Variants in AGPS observed in about 807,000 individuals in gnomAD.
AGPS encodes alkylglycerone phosphate synthase, also known as alkyldihydroxyacetonephosphate synthase, peroxisomal.
A neutral mutation model predicts 90.7 loss-of-function variants in AGPS; 26 were observed. The ratio of observed to expected loss-of-function variants is 0.29; its 90% confidence interval spans 0.21 to 0.40. The LOEUF (loss-of-function observed/expected upper bound fraction) is 0.40, where lower values mean the gene tolerates loss of function less well. AGPS is among the 10% of genes least tolerant of loss of function. AGPS has a pLI of 1.00. For missense variants in AGPS, 540 were observed against 816.1 expected (o/e 0.66, Z 4.12); for synonymous variants, 294 against 285.3 (o/e 1.03, Z -0.31).
At chr2:177,407,709 T>C (rs974455126) in intron 1 of AGPS, among the ~76,000 whole-genome samples, 1 of 151,868 alleles carries the variant, frequency 6.6e-6, no homozygotes, top group Non-Finnish European at 1.5e-5. Context: ...TCAAACTATA[T>C]TGGTTTCTGA....
At chr2:177,485,350 A>G (rs1055339293) in intron 11 of AGPS, among the ~76,000 whole-genome samples, 2 of 152,230 alleles carry the variant, frequency 1.3e-5, no homozygotes, top group Non-Finnish European at 1.5e-5. Flanking sequence ...TGATGTACAA[A>G]TGTATCAAAA....
intron 11 of AGPS, 51 bp downstream of exon 11, chr2:177,482,237 T>G: frequency 9.5e-7 from 1 of 1,052,458 alleles, no homozygotes; most frequent in Non-Finnish European, 1.3e-6. Context: ...GTTTATGTAT[T>G]TATATTTTTC....
intron 2 of AGPS, among the ~76,000 whole-genome samples, chr2:177,422,428 C>A (rs1215786841): frequency 6.6e-6 from 1 of 150,884 alleles, no homozygotes; most frequent in Non-Finnish European, 1.5e-5. Context: ...TACTACCACT[C>A]CTACCAGAAT....
intron 9 of AGPS, 54 bp downstream of exon 9, chr2:177,462,072 A>G (rs1231205209): frequency 1.4e-6 from 2 of 1,422,436 alleles, no homozygotes; most frequent in Non-Finnish European, 1.9e-6. Context: ...AGATATTATT[A>G]TAAAATGATT....
intron 1 of AGPS, among the ~76,000 whole-genome samples, chr2:177,408,624 G>A (rs1685529524): frequency 6.6e-6 from 1 of 151,992 alleles, no homozygotes; most frequent in African/African-American, 2.4e-5. Context: ...CTGCCACTTT[G>A]CCCTCTTGCT....
chr2:177,445,555 C>A lies in AGPS; in HGVS notation c.799C>A (p.Leu267Ile), dbSNP rs1472901599. 1 of 1,613,688 alleles carries A rather than the reference C, an allele frequency of 6.2e-7. No individual in the cohort carries two copies. The highest frequency in any genetic ancestry group is 1.1e-5 in the South Asian group (1 of 91,076). ...SLDTSQMNRI[L>I]WVDENNLTAH... The stretch of plus-strand genomic sequence containing the variant: ...TCTTCCTTTGCAACAGAATCGAATT[C>A]TCTGGGTTGATGAGAACAATTTGAC... The change falls in exon 8 of 20, where the codon CTC becomes ATC. Residue 267 changes from leucine (L) to isoleucine (I), a missense_variant. This residue lies in a region of AGPS where 405 missense variants were observed against 692.1 expected (regional missense o/e 0.59). Transcript: ENST00000264167.
At chr2:177,528,849 C>CTTTTTTTTTTTTTTTTTT (rs71008000) in intron 19 of AGPS, among the ~76,000 whole-genome samples, 1 of 79,142 alleles carries the variant, frequency 1.3e-5, no homozygotes, top group Non-Finnish European at 2.2e-5. Context: ...CATATTAATC[C>CTTTTTTTTTTTTTTTTTT]TTTTTTTTTT....
intron 5 of AGPS, 76 bp from the exon 6 acceptor site, chr2:177,440,889 G>T: frequency 1.6e-6 from 2 of 1,239,186 alleles, no homozygotes; most frequent in Non-Finnish European, 2.4e-6. Flanking sequence ...AAAGAATTTC[G>T]TAGGTTCTTA....
intron 3 of AGPS, among the ~76,000 whole-genome samples, chr2:177,435,612 C>T (rs1559044868): frequency 6.6e-6 from 1 of 151,990 alleles, no homozygotes; most frequent in Non-Finnish European, 1.5e-5. Context: ...TGTATCAAGA[C>T]CTTGAAGAGT....
At chr2:177,422,811 C>A (rs1228354838) in intron 2 of AGPS, among the ~76,000 whole-genome samples, 2 of 152,056 alleles carry the variant, frequency 1.3e-5, no homozygotes, top group African/African-American at 2.4e-5. Flanking sequence ...AGTCTGTTTT[C>A]CTAAGAATAA....
Position 177,497,671 on chromosome 2 carries a change from A to G in AGPS, c.1286-18A>G, listed in dbSNP as rs778161521. On this transcript the variant is annotated intron_variant, in intron 12 of 19. Transcript: ENST00000264167. Reference sequence around the variant, plus strand: ...AACATAGACTAACCTATTAATATAAACTTTTTTCTCTTCTTAGGTCATGCT... The same window carrying G: ...AACATAGACTAACCTATTAATATAAGCTTTTTTCTCTTCTTAGGTCATGCT... 1.4e-6 allele frequency: 2 copies of G among 1,461,292 alleles called. No individual in the cohort carries two copies. The allele number at this position is 1,461,292 out of a possible 1,614,324, so 90.5% of individuals were successfully genotyped here. A position where few individuals can be genotyped will look rare whatever the true frequency, so the allele number is the denominator to read the frequency against.
intron 3 of AGPS, among the ~76,000 whole-genome samples, chr2:177,434,984 CTT>C (rs1686355359): frequency 1.0e-5 from 1 of 96,158 alleles, no homozygotes; most frequent in Non-Finnish European, 1.9e-5. Context: ...GATTAGGAAA[CTT>C]TAAACTGTAG....
At chr2:177,411,182 C>G (rs1402799332) in intron 1 of AGPS, among the ~76,000 whole-genome samples, 1 of 152,136 alleles carries the variant, frequency 6.6e-6, no homozygotes, top group African/African-American at 2.4e-5. Flanking sequence ...TGCTGCAGGC[C>G]TAAGGCGGAC....
chr2:177,501,156 G>A (rs1465132915), intron 14 of AGPS, among the ~76,000 whole-genome samples: 1 of 152,032 alleles, frequency 6.6e-6, no homozygotes, highest in African/African-American at 2.4e-5. Context: ...TCTAAGAAGG[G>A]CTTGTAGGGA....
At chr2:177,396,190 C>T (rs754309329) in intron 1 of AGPS, among the ~76,000 whole-genome samples, 75 of 152,136 alleles carry the variant, frequency 4.9e-4, no homozygotes, top group Middle Eastern at 3.4e-3. Flanking sequence ...TATGACAAAG[C>T]AAGGGGCCAT....
chr2:177,483,349 C>T (rs567940392), intron 11 of AGPS, among the ~76,000 whole-genome samples: 1 of 152,276 alleles, frequency 6.6e-6, no homozygotes, highest in Non-Finnish European at 1.5e-5. Flanking sequence ...CTTTCTAAGA[C>T]ACTCTTTCTG....
intron 10 of AGPS, among the ~76,000 whole-genome samples, chr2:177,472,790 C>G (rs2105681616): frequency 6.6e-6 from 1 of 152,132 alleles, no homozygotes; most frequent in South Asian, 2.1e-4. Context: ...TTTAATTTCT[C>G]TTTATTATTT....
At chr2:177,499,479 A>G (rs1365599078) in intron 13 of AGPS, 139 bp from the exon 14 acceptor site, 10 of 602,668 alleles carry the variant, frequency 1.7e-5, no homozygotes, top group Non-Finnish European at 2.9e-5. Flanking sequence ...AGTGATTGAC[A>G]TGTAAAGTTC....
chr2:177,412,892 G>A (rs1685660070), intron 1 of AGPS, among the ~76,000 whole-genome samples: 1 of 152,164 alleles, frequency 6.6e-6, no homozygotes, highest in East Asian at 1.9e-4. Flanking sequence ...AGCTGTGCAG[G>A]AACAATGGCA....
Sources: allele counts gnomAD v4.1 joint callset (sites outside exome capture counted in the v4.1 genomes callset), GRCh38; gene constraint gnomAD v4.1.1; regional missense constraint gnomAD v4.1.1; transcripts MANE v1.5; gene names NCBI Gene and HGNC (gene_info 2026-07-23, HGNC 2026-07-21).